The following ZNF521 variants were observed in gnomAD, a reference collection of about 807,000 sequenced individuals.
ZNF521 encodes the protein zinc finger protein 521.
Under a neutral mutation model 105.5 loss-of-function variants are expected in ZNF521, and 14 were observed. The ratio of observed to expected loss-of-function variants is 0.13; its 90% CI spans 0.09 to 0.21. ZNF521 has a LOEUF of 0.21. Ranked by LOEUF, ZNF521 falls within the 10% of genes least tolerant of loss-of-function variation. The pLI is 1.00. For synonymous variants in ZNF521, 635 were observed against 606.0 expected (o/e 1.05, Z -0.70); for missense variants, 1,233 against 1,629.7 (o/e 0.76, Z 4.19).
At chr18:25,137,973 G>A (rs766929941) in intron 5 of ZNF521, among the ~76,000 whole-genome samples, 2 of 152,170 alleles carry the variant, frequency 1.3e-5, no homozygotes, top group African/African-American at 4.8e-5. Context: ...CTTGTTTAGT[G>A]ACTCCATTTT....
intron 3 of ZNF521, among the ~76,000 whole-genome samples, chr18:25,273,125 G>T (rs1011739895): frequency 1.4e-5 from 2 of 144,420 alleles, no homozygotes; most frequent in African/African-American, 2.5e-5. Flanking sequence ...TACTTCGGGG[G>T]CTAAGGCAGG....
At chr18:25,292,437 C>T (rs1315897768) in intron 3 of ZNF521, among the ~76,000 whole-genome samples, 1 of 152,168 alleles carries the variant, frequency 6.6e-6, no homozygotes, top group Non-Finnish European at 1.5e-5. Flanking sequence ...GCATTTCCAA[C>T]AAATTCTTCT....
At chr18:25,099,966 A>G (rs202060528) in intron 5 of ZNF521, among the ~76,000 whole-genome samples, 3 of 152,200 alleles carry the variant, frequency 2.0e-5, no homozygotes, top group East Asian at 3.9e-4. Context: ...AGTCAATATT[A>G]ATTCCACACA....
At chr18:25,212,379 G>A (rs758766713) in intron 4 of ZNF521, among the ~76,000 whole-genome samples, 32 of 149,912 alleles carry the variant, frequency 2.1e-4, no homozygotes, top group South Asian at 6.3e-4. Context: ...GCATGGTGGC[G>A]CACACCTGTA....
intron 5 of ZNF521, among the ~76,000 whole-genome samples, chr18:25,180,906 C>G (rs1056396839): frequency 5.3e-5 from 8 of 152,176 alleles, no homozygotes; most frequent in Admixed American, 1.3e-4. Flanking sequence ...AAGCAGCCTA[C>G]AGTATCTGCC....
intron 7 of ZNF521, among the ~76,000 whole-genome samples, chr18:25,070,092 A>C (rs1014242547): frequency 1.3e-5 from 2 of 152,248 alleles, no homozygotes; most frequent in African/African-American, 4.8e-5. Context: ...AAATGGCATC[A>C]TCAGAAGCGA....
intron 3 of ZNF521, among the ~76,000 whole-genome samples, chr18:25,228,461 A>T (rs1906317432): frequency 6.6e-6 from 1 of 152,238 alleles, no homozygotes; most frequent in African/African-American, 2.4e-5. Context: ...ATCAAGAAAA[A>T]ATGAGAGTTT....
chr18:25,274,840 CT>C (rs1909927311), intron 3 of ZNF521, among the ~76,000 whole-genome samples: 1 of 152,032 alleles, frequency 6.6e-6, no homozygotes, highest in Admixed American at 6.6e-5. Context: ...TGTTGTGGGA[CT>C]TATGGCTTGT....
intron 7 of ZNF521, among the ~76,000 whole-genome samples, chr18:25,068,132 G>A (rs2033119361): frequency 6.6e-6 from 1 of 152,180 alleles, no homozygotes; most frequent in South Asian, 2.1e-4. Context: ...ATTTAAATGA[G>A]ATGTTTTCTA....
chr18:25,063,028 G>T (rs2032950142), intron 7 of ZNF521, among the ~76,000 whole-genome samples: 1 of 152,178 alleles, frequency 6.6e-6, no homozygotes, highest in Non-Finnish European at 1.5e-5. Context: ...CAGGGCAGAA[G>T]CCTCCTTAAT....
At chr18:25,149,809 G>A (rs1431798221) in intron 5 of ZNF521, among the ~76,000 whole-genome samples, 2 of 152,180 alleles carry the variant, frequency 1.3e-5, no homozygotes, top group African/African-American at 4.8e-5. Context: ...AATGAAAGAT[G>A]AGACAATGGT....
chr18:25,243,982 A>G (rs77632413), intron 3 of ZNF521, among the ~76,000 whole-genome samples: 2,128 of 152,292 alleles, frequency 0.014, 53 homozygotes, highest in African/African-American at 0.049. Context: ...CTATTGTTCA[A>G]CCGCATAAAT....
At chr18:25,300,464 T>C (rs567721345) in intron 3 of ZNF521, among the ~76,000 whole-genome samples, 2 of 152,330 alleles carry the variant, frequency 1.3e-5, no homozygotes, top group South Asian at 4.1e-4. Context: ...ATACATGTTT[T>C]GATCTAATAG....
intron 7 of ZNF521, among the ~76,000 whole-genome samples, chr18:25,085,621 A>G (rs1567955064): frequency 6.7e-6 from 1 of 150,144 alleles, no homozygotes. Context: ...ATATACATGC[A>G]TGTATACATA....
rs557401925 is a variant in ZNF521 at position 25,162,205 on chromosome 18, G to T, written c.3658+32955C>A. Among the ~76,000 whole-genome samples the T allele has an allele frequency of 3.9e-5, 6 of 152,204 alleles. No homozygotes were observed. In the East Asian group the frequency reaches 9.7e-4, roughly 25 times the overall value. On this transcript the variant is annotated intron_variant, in intron 5 of 7. Transcript: ENST00000361524. The stretch of plus-strand genomic sequence containing the variant: ...CAATGTTACAAATAGTCGTTTCAAT[G>T]AAGTTAGAATTGATGGGAAAAAAAG...
At chr18:25,179,090 T>TGTATTTCTTAA (rs1555643968) in intron 5 of ZNF521, among the ~76,000 whole-genome samples, 17,081 of 147,342 alleles carry the variant, frequency 0.12, 1,389 homozygotes, top group East Asian at 0.3. Context: ...GTATTTCTTA[T>TGTATTTCTTAA]GACTTATACT....
chr18:25,187,197 G>A (rs2035740945), intron 5 of ZNF521, among the ~76,000 whole-genome samples: 1 of 152,008 alleles, frequency 6.6e-6, no homozygotes, highest in Non-Finnish European at 1.5e-5. Flanking sequence ...TTTTCCTAAA[G>A]AATATTATTT....
chr18:25,115,684 T>C (rs1430698363), intron 5 of ZNF521, among the ~76,000 whole-genome samples: 1 of 152,248 alleles, frequency 6.6e-6, no homozygotes, highest in Non-Finnish European at 1.5e-5. Context: ...TTCTGTGTAT[T>C]ACAGTCTCCA....
chr18:25,093,981 T>C (rs1444003342), intron 5 of ZNF521, among the ~76,000 whole-genome samples: 1 of 152,206 alleles, frequency 6.6e-6, no homozygotes, highest in African/African-American at 2.4e-5. Flanking sequence ...AGTTCTCTAT[T>C]TCCTTAATGC....
Sources: gnomAD v4.1 joint callset for allele counts (sites outside exome capture counted in the v4.1 genomes callset) on GRCh38, gnomAD v4.1.1 for gene constraint, MANE v1.5 for transcripts, NCBI Gene and HGNC (gene_info 2026-07-23, HGNC 2026-07-21) for gene names.